The following MGAT4C variants were observed in gnomAD, a reference collection of about 807,000 sequenced individuals.
MGAT4C encodes the protein alpha-1,3-mannosyl-glycoprotein 4-beta-N-acetylglucosaminyltransferase C.
Under a neutral mutation model 40.1 loss-of-function variants are expected in MGAT4C, and 19 were observed. The ratio of observed to expected loss-of-function variants is 0.47; its 90% CI spans 0.33 to 0.70. MGAT4C has a LOEUF of 0.70. Among genes scored for constraint, MGAT4C ranks in the 30% least tolerant of loss-of-function variants. The probability of loss-of-function intolerance (pLI) is 0.02; values close to 1 mark genes in which losing one functional copy is unlikely to be tolerated. For synonymous variants in MGAT4C, 181 were observed against 187.1 expected (o/e 0.97, Z 0.27); for missense variants, 491 against 563.2 (o/e 0.87, Z 1.30).
intron 2 of MGAT4C, among the ~76,000 whole-genome samples, chr12:86,493,341 T>C (rs1958174973): frequency 1.3e-5 from 2 of 152,016 alleles, no homozygotes; most frequent in African/African-American, 4.8e-5. Flanking sequence ...TAAAGACACA[T>C]GAACACGTAT....
chr12:86,759,628 T>C (rs766705914), intron 1 of MGAT4C, among the ~76,000 whole-genome samples: 1 of 152,144 alleles, frequency 6.6e-6, no homozygotes, highest in Non-Finnish European at 1.5e-5. Context: ...ATTCCCCTGA[T>C]GATTAGTGAT....
At chr12:86,707,937 G>T (rs1018870807) in intron 2 of MGAT4C, among the ~76,000 whole-genome samples, 2 of 152,184 alleles carry the variant, frequency 1.3e-5, no homozygotes, top group Non-Finnish European at 2.9e-5. Flanking sequence ...CAGAAAATTT[G>T]CAGCCTGACA....
At chr12:86,473,996 T>C (rs1735665102) in intron 2 of MGAT4C, among the ~76,000 whole-genome samples, 1 of 152,086 alleles carries the variant, frequency 6.6e-6, no homozygotes, top group Non-Finnish European at 1.5e-5. Flanking sequence ...TTTGCTGCTA[T>C]ATAATGCCAT....
intron 2 of MGAT4C, among the ~76,000 whole-genome samples, chr12:86,540,982 C>G (rs1392026279): frequency 6.6e-6 from 1 of 152,100 alleles, no homozygotes; most frequent in Non-Finnish European, 1.5e-5. Context: ...CTTGGCCTAT[C>G]CTTACCATAC....
chr12:85,996,778 G>C (rs1050384988), intron 2 of MGAT4C, among the ~76,000 whole-genome samples: 2 of 151,770 alleles, frequency 1.3e-5, no homozygotes. Context: ...GATAAAAAAG[G>C]GAATAAATAA....
chr12:86,311,358 A>G (rs1332036985), intron 4 of MGAT4C, among the ~76,000 whole-genome samples: 1 of 152,268 alleles, frequency 6.6e-6, no homozygotes, highest in Non-Finnish European at 1.5e-5. Flanking sequence ...CAGTAAAGAT[A>G]AAGTATAATC....
intron 2 of MGAT4C, among the ~76,000 whole-genome samples, chr12:86,696,956 T>A (rs1351118077): frequency 7.1e-6 from 1 of 140,924 alleles, no homozygotes; most frequent in East Asian, 1.9e-4. Flanking sequence ...GTGCTCTCCC[T>A]CTGTCTTTCT....
intron 2 of MGAT4C, among the ~76,000 whole-genome samples, chr12:86,469,715 G>A (rs1172173972): frequency 6.6e-6 from 1 of 152,096 alleles, no homozygotes; most frequent in Non-Finnish European, 1.5e-5. Flanking sequence ...CCTTGTAAGA[G>A]CCCAGGTACC....
At position 86,007,067 on chromosome 12, in the gene MGAT4C, A is replaced by T. The variant is rs184365827; in HGVS notation, c.-6-17515T>A. On this transcript the variant is annotated intron_variant, in intron 2 of 4. Transcript: ENST00000611864. ...ATAATTCCTCTAATAATTATGACTA[A>T]TATAAAGAGTATCTTCCTCTGTTTA... is the stretch of plus-strand genomic sequence containing the variant. Among the ~76,000 whole-genome samples, 56 of 152,306 alleles carry T rather than the reference A, an allele frequency of 3.7e-4. 1 individual carries two copies. In the East Asian group the frequency reaches 0.011, roughly 29 times the overall value.
intron 2 of MGAT4C, 31 bp from the exon 3 acceptor site, chr12:85,989,583 G>C: frequency 6.5e-7 from 1 of 1,546,162 alleles, no homozygotes; most frequent in Non-Finnish European, 8.7e-7. Context: ...ATTACTAGCA[G>C]TTGGTTTTGG....
At chr12:86,805,544 G>GT (rs1165300722) in intron 1 of MGAT4C, among the ~76,000 whole-genome samples, 2 of 151,784 alleles carry the variant, frequency 1.3e-5, no homozygotes, top group South Asian at 2.1e-4. Flanking sequence ...AAAGGGCATA[G>GT]TTTTTTTCTT....
intron 1 of MGAT4C, among the ~76,000 whole-genome samples, chr12:86,195,585 A>T (rs1593202682): frequency 6.6e-6 from 1 of 152,174 alleles, no homozygotes; most frequent in Non-Finnish European, 1.5e-5. Context: ...ATCCCCTGAA[A>T]AGACAGCACT....
chr12:86,270,187 C>T (rs552494506), intron 4 of MGAT4C, among the ~76,000 whole-genome samples: 2 of 152,246 alleles, frequency 1.3e-5, no homozygotes, highest in African/African-American at 4.8e-5. Context: ...CGGCCTCAGC[C>T]TCCCAAGTAG....
chr12:86,701,257 G>T (rs1231960268), intron 2 of MGAT4C, among the ~76,000 whole-genome samples: 1 of 151,808 alleles, frequency 6.6e-6, no homozygotes, highest in Non-Finnish European at 1.5e-5. Context: ...AAATTGAAGA[G>T]TTTGTTGCAA....
chr12:86,536,342 T>G (rs189956028), intron 2 of MGAT4C, among the ~76,000 whole-genome samples: 1 of 152,304 alleles, frequency 6.6e-6, no homozygotes, highest in East Asian at 1.9e-4. Flanking sequence ...AAGTGTCATG[T>G]ATTCCTGTTA....
intron 1 of MGAT4C, among the ~76,000 whole-genome samples, chr12:86,109,275 T>C (rs966013685): frequency 7.2e-5 from 11 of 152,266 alleles, no homozygotes; most frequent in African/African-American, 2.4e-4. Context: ...TCTCCTCTTT[T>C]TGTGGAGAGT....
chr12:86,791,686 C>T (rs907362098), intron 1 of MGAT4C, among the ~76,000 whole-genome samples: 7 of 152,056 alleles, frequency 4.6e-5, no homozygotes, highest in Admixed American at 2.6e-4. Flanking sequence ...TGCTTCTGGA[C>T]GGGTTTGTGA....
At chr12:86,608,817 G>T (rs1490978317) in intron 2 of MGAT4C, among the ~76,000 whole-genome samples, 1 of 152,048 alleles carries the variant, frequency 6.6e-6, no homozygotes, top group Non-Finnish European at 1.5e-5. Context: ...TTGACAGAAA[G>T]AAGAAAGGCA....
At chr12:86,424,610 G>T (rs1449135003) in intron 3 of MGAT4C, among the ~76,000 whole-genome samples, 2 of 152,134 alleles carry the variant, frequency 1.3e-5, no homozygotes, top group Admixed American at 1.3e-4. Context: ...TGATTCCCAA[G>T]TGGGGATGGC....
Sources: allele counts gnomAD v4.1 joint callset (sites outside exome capture counted in the v4.1 genomes callset), GRCh38; gene constraint gnomAD v4.1.1; transcripts MANE v1.5; gene names NCBI Gene and HGNC (gene_info 2026-07-23, HGNC 2026-07-21).